Variants in ZBTB20 observed in about 807,000 individuals in gnomAD.
The protein encoded by ZBTB20 is zinc finger and BTB domain-containing protein 20.
Under a neutral mutation model 56.9 loss-of-function variants are expected in ZBTB20, and 9 were observed. The ratio of observed to expected loss-of-function variants is 0.16; its 90% CI spans 0.10 to 0.28. The LOEUF (loss-of-function observed/expected upper bound fraction) is 0.28, where lower values mean the gene tolerates loss of function less well. ZBTB20 is among the 10% of genes least tolerant of loss of function. The pLI, the probability that ZBTB20 is intolerant of heterozygous loss-of-function variation, is 1.00. For missense variants in ZBTB20, 655 were observed against 1,003.0 expected (o/e 0.65, Z 4.69); for synonymous variants, 417 against 420.7 (o/e 0.99, Z 0.11).
At chr3:114,929,415 G>A (rs1477085771) in intron 3 of ZBTB20, among the ~76,000 whole-genome samples, 1 of 152,180 alleles carries the variant, frequency 6.6e-6, no homozygotes, top group African/African-American at 2.4e-5. Context: ...AGAAAGGAGA[G>A]AAAGGAAGTG....
chr3:115,086,169 TC>T (rs1298671843), intron 1 of ZBTB20, among the ~76,000 whole-genome samples: 1 of 151,848 alleles, frequency 6.6e-6, no homozygotes, highest in Admixed American at 6.6e-5. Flanking sequence ...ATTATATTTG[TC>T]CCCGGGATTA....
At chr3:114,659,346 C>T (rs1293167789) in intron 6 of ZBTB20, among the ~76,000 whole-genome samples, 2 of 152,168 alleles carry the variant, frequency 1.3e-5, no homozygotes, top group African/African-American at 4.8e-5. Flanking sequence ...CCCAGAGGGG[C>T]TGTGGTAACT....
chr3:114,820,841 A>G (rs2073198840), intron 4 of ZBTB20, among the ~76,000 whole-genome samples: 1 of 152,112 alleles, frequency 6.6e-6, no homozygotes, highest in African/African-American at 2.4e-5. Context: ...TGACTACAGC[A>G]TTCACCCAAT....
rs150711917 is a variant in ZBTB20, at chr3:114,970,797, C to T, written c.-456+3569G>A. 2.9e-4 allele frequency among the ~76,000 whole-genome samples: 44 copies of T among 152,252 alleles called. 1 individual carries two copies. The highest frequency in any genetic ancestry group is 1.0e-3 in the South Asian group (5 of 4,828). On this transcript the variant is annotated intron_variant, in intron 3 of 11. Coordinates refer to ENST00000675478, the MANE Select transcript of ZBTB20 (RefSeq NM_001348800.3). ...TTGGGAGGCCGAGGCGGGCAGATCA[C>T]GAGGTCAGCAGATCGAGACCATCCT...
chr3:114,488,468 T>A (rs1452360903), intron 7 of ZBTB20, among the ~76,000 whole-genome samples: 3 of 152,248 alleles, frequency 2.0e-5, no homozygotes, highest in African/African-American at 4.8e-5. Context: ...TGTAATAAAA[T>A]TTAAAATACA....
chr3:115,009,871 C>T (rs1044821450), intron 2 of ZBTB20, among the ~76,000 whole-genome samples: 1 of 151,910 alleles, frequency 6.6e-6, no homozygotes, highest in African/African-American at 2.4e-5. Context: ...GCCTCGAGAA[C>T]AGTGAGCAAT....
At chr3:114,869,785 A>T (rs868737715) in intron 4 of ZBTB20, among the ~76,000 whole-genome samples, 7 of 152,242 alleles carry the variant, frequency 4.6e-5, no homozygotes, top group Admixed American at 2.0e-4. Flanking sequence ...GTGTAGCCAT[A>T]TGCTTAATGT....
chr3:115,081,373 G>A (rs1295096041), intron 1 of ZBTB20, among the ~76,000 whole-genome samples: 1 of 151,978 alleles, frequency 6.6e-6, no homozygotes, highest in Non-Finnish European at 1.5e-5. Flanking sequence ...GGGTTTGGTT[G>A]GAAATAAACT....
chr3:114,563,152 T>A (rs1178402623), intron 6 of ZBTB20, among the ~76,000 whole-genome samples: 1 of 152,164 alleles, frequency 6.6e-6, no homozygotes, highest in Non-Finnish European at 1.5e-5. Flanking sequence ...TGCTTCTATA[T>A]CCTATTTTCA....
At chr3:115,064,979 C>T (rs1197095737) in intron 2 of ZBTB20, among the ~76,000 whole-genome samples, 1 of 152,076 alleles carries the variant, frequency 6.6e-6, no homozygotes, top group Non-Finnish European at 1.5e-5. Context: ...AAACTGGAAC[C>T]TTTGGGGCTG....
At chr3:114,678,096 T>C (rs1350335293) in intron 6 of ZBTB20, among the ~76,000 whole-genome samples, 1 of 152,322 alleles carries the variant, frequency 6.6e-6, no homozygotes, top group African/African-American at 2.4e-5. Flanking sequence ...GTCTGTAGTA[T>C]TCTCATAATA....
At chr3:114,766,294 G>GA (rs145492217) in intron 5 of ZBTB20, among the ~76,000 whole-genome samples, 10,759 of 152,120 alleles carry the variant, frequency 0.071, 387 homozygotes, top group Middle Eastern at 0.13. Context: ...AATGGGCACA[G>GA]AAACGGATAA....
In ZBTB20 at chr3:114,320,182, A is replaced by G. The variant is rs1443796467; in HGVS notation, c.*18823T>C. ...TGGGATGTAGTTTGTATGTGTATTCAGTACAAATATATTTTTTTCATAGCT... is the reference window on the plus strand; with the variant it reads ...TGGGATGTAGTTTGTATGTGTATTCGGTACAAATATATTTTTTTCATAGCT... On this transcript the variant is annotated 3_prime_UTR_variant, in exon 12 of 12. Coordinates refer to ENST00000675478, the MANE Select transcript of ZBTB20 (RefSeq NM_001348800.3). 1 of 152,170 alleles carries G rather than the reference A, an allele frequency of 6.6e-6. No homozygotes were observed. Among genetic ancestry groups the G allele is most frequent in the Non-Finnish European group, 1.5e-5 (1 of 68,038 alleles). 9.4% of individuals were successfully genotyped at this position (152,170 alleles called of 1,614,324 possible).
chr3:114,677,697 A>T (rs1348703435), intron 6 of ZBTB20, among the ~76,000 whole-genome samples: 1 of 152,184 alleles, frequency 6.6e-6, no homozygotes, highest in Non-Finnish European at 1.5e-5. Flanking sequence ...TATGTCAGGT[A>T]CATGCCAAAT....
chr3:114,588,939 A>G (rs577297625), intron 6 of ZBTB20, among the ~76,000 whole-genome samples: 2 of 152,234 alleles, frequency 1.3e-5, no homozygotes, highest in East Asian at 3.9e-4. Context: ...AGCAGAAGGC[A>G]CCTCTTCACC....
chr3:114,721,503 G>T lies in ZBTB20; in HGVS notation c.-342-27928C>A, dbSNP rs113782175. Among the ~76,000 whole-genome samples the T allele has an allele frequency of 4.9e-4, 74 of 152,282 alleles. 1 individual carries two copies. Among genetic ancestry groups the T allele is most frequent in the African/African-American group, 1.8e-3 (74 of 41,572 alleles). On this transcript the variant is annotated intron_variant, in intron 5 of 11. Transcript: ENST00000675478. Reference sequence around the variant, plus strand: ...AATATTTACTAAAGTTCTACTCTGTGCCAGGCACCGAACTATGTGCTTTAT... The same window carrying T: ...AATATTTACTAAAGTTCTACTCTGTTCCAGGCACCGAACTATGTGCTTTAT...
intron 7 of ZBTB20, among the ~76,000 whole-genome samples, chr3:114,406,373 T>A (rs113740217): frequency 6.6e-6 from 1 of 152,146 alleles, no homozygotes; most frequent in East Asian, 1.9e-4. Flanking sequence ...CAGGAAGACA[T>A]GAAACATCAA....
chr3:114,892,633 CT>C (rs2076857801), intron 4 of ZBTB20, among the ~76,000 whole-genome samples: 1 of 136,492 alleles, frequency 7.3e-6, no homozygotes. Context: ...GGTTTTGGCA[CT>C]TCTCTCACTC....
intron 1 of ZBTB20, among the ~76,000 whole-genome samples, chr3:115,093,428 G>A (rs1468237877): frequency 6.6e-6 from 1 of 152,132 alleles, no homozygotes; most frequent in Non-Finnish European, 1.5e-5. Context: ...AAGTGGGGTA[G>A]GGAATAGGTG....
Sources: gnomAD v4.1 joint callset for allele counts (sites outside exome capture counted in the v4.1 genomes callset) on GRCh38, gnomAD v4.1.1 for gene constraint, MANE v1.5 for transcripts, NCBI Gene and HGNC (gene_info 2026-07-23, HGNC 2026-07-21) for gene names.